The following USH2A variants were observed in gnomAD, a reference collection of about 807,000 sequenced individuals.
USH2A encodes Usher syndrome 2A (autosomal recessive, mild).
A neutral mutation model predicts 538.9 loss-of-function variants in USH2A; 443 were observed. The observed-to-expected ratio is 0.82, with a 90% CI of 0.76 to 0.89. The LOEUF is 0.89. Ranked by LOEUF, USH2A falls within the 40% of genes least tolerant of loss-of-function variation. The probability of loss-of-function intolerance (pLI) is 0.00; values close to 1 mark genes in which losing one functional copy is unlikely to be tolerated. For synonymous variants in USH2A, 2,413 were observed against 2,273.5 expected (o/e 1.06, Z -1.75); for missense variants, 6,633 against 6,324.8 (o/e 1.05, Z -1.65).
At chr1:216,152,317 C>T (rs915349841) in intron 21 of USH2A, among the ~76,000 whole-genome samples, 1 of 152,172 alleles carries the variant, frequency 6.6e-6, no homozygotes, top group African/African-American at 2.4e-5. Context: ...ATATGTCCTG[C>T]CCCACCTTAA....
intron 69 of USH2A, among the ~76,000 whole-genome samples, chr1:215,637,844 A>C (rs1656546754): frequency 6.6e-6 from 1 of 152,136 alleles, no homozygotes; most frequent in Admixed American, 6.5e-5. Context: ...AAAAAACTCT[A>C]TACATGCAAA....
chr1:216,018,179 C>T (rs1429004266), intron 32 of USH2A, among the ~76,000 whole-genome samples: 1 of 152,150 alleles, frequency 6.6e-6, no homozygotes, highest in East Asian at 1.9e-4. Context: ...TAGAATTTCC[C>T]AGTCAAAGAG....
chr1:215,814,930 C>T (rs1156318122), intron 48 of USH2A, among the ~76,000 whole-genome samples: 1 of 152,058 alleles, frequency 6.6e-6, no homozygotes, highest in Non-Finnish European at 1.5e-5. Flanking sequence ...CTTACGTTCA[C>T]TGGGATTTGT....
chr1:215,832,893 T>C (rs7535249), intron 47 of USH2A, among the ~76,000 whole-genome samples: 2 of 152,064 alleles, frequency 1.3e-5, no homozygotes, highest in Admixed American at 1.3e-4. Flanking sequence ...AGCTCACTAT[T>C]CCAAAATTAA....
chr1:216,264,066 A>C (rs1385031509), intron 11 of USH2A, among the ~76,000 whole-genome samples: 3 of 152,144 alleles, frequency 2.0e-5, no homozygotes, highest in Non-Finnish European at 2.9e-5. Flanking sequence ...AAAGTTCTGT[A>C]CAAGGAAAAC....
Position 215,993,051 on chromosome 1 carries a change from A to T in USH2A, c.6774T>A (p.Asn2258Lys). The change falls in exon 35 of 72, where the codon AAT becomes AAA. Residue 2258 changes from asparagine to lysine, a missense_variant. Coordinates refer to ENST00000307340, the MANE Select transcript of USH2A (RefSeq NM_206933.4). ...KAHSYSPDSF[N>K]VSWTEPEYPN... is the part of the protein sequence containing the mutation. Reference sequence around the variant, plus strand: ...GATATTCAGGCTCAGTCCAGGAGACATTAAAGGAGTCAGGTGAATATGAGT... The same window carrying T: ...GATATTCAGGCTCAGTCCAGGAGACTTTAAAGGAGTCAGGTGAATATGAGT... 6.2e-7 allele frequency: 1 copy of T among 1,614,154 alleles called. No individual in the cohort carries two copies. Among genetic ancestry groups the T allele is most frequent in the Non-Finnish European group, 8.5e-7 (1 of 1,179,972 alleles).
At chr1:216,096,078 C>T (rs1417541081) in intron 22 of USH2A, among the ~76,000 whole-genome samples, 2 of 152,156 alleles carry the variant, frequency 1.3e-5, no homozygotes, top group African/African-American at 4.8e-5. Context: ...ATCAAATGCT[C>T]ACTGATATTT....
chr1:216,269,329 T>A (rs938663285), intron 11 of USH2A, among the ~76,000 whole-genome samples: 1 of 152,078 alleles, frequency 6.6e-6, no homozygotes, highest in African/African-American at 2.4e-5. Flanking sequence ...CTCTCTTTGC[T>A]TGCTGCCACC....
Position 215,790,209 on chromosome 1 carries a change from A to T in USH2A, c.10032T>A (p.Ser3344=), listed in dbSNP as rs748330735. Reference sequence around the variant, plus strand: ...GGTCATTCTTTTTAATATGTGCTTTAGACTCTCCACTGGAAGCTGAGCAGC... The same window carrying T: ...GGTCATTCTTTTTAATATGTGCTTTTGACTCTCCACTGGAAGCTGAGCAGC... The part of the protein sequence containing the change: ...TICCSASSGE[S]KAHIKKNDPV... The change falls in exon 51 of 72, where the codon TCT becomes TCA. Residue 3344 remains serine, a synonymous_variant. Transcript: ENST00000307340. The T allele has an allele frequency of 6.2e-7, 1 of 1,614,102 alleles. No individual in the cohort carries two copies. Among genetic ancestry groups the T allele is most frequent in the South Asian group, 1.1e-5 (1 of 91,068 alleles).
intron 56 of USH2A, among the ~76,000 whole-genome samples, chr1:215,765,981 T>C (rs1319726227): frequency 1.3e-5 from 2 of 152,190 alleles, no homozygotes; most frequent in African/African-American, 4.8e-5. Context: ...GCACAGTTTC[T>C]GGCATAAATG....
chr1:216,280,339 T>A (rs556791488), intron 11 of USH2A, among the ~76,000 whole-genome samples: 13 of 152,118 alleles, frequency 8.5e-5, no homozygotes, highest in African/African-American at 3.1e-4. Context: ...TTTTGGTTCA[T>A]GTATCCCTTT....
intron 58 of USH2A, among the ~76,000 whole-genome samples, chr1:215,757,505 C>T (rs1387383354): frequency 6.6e-6 from 1 of 152,146 alleles, no homozygotes; most frequent in Non-Finnish European, 1.5e-5. Context: ...TGAACTGTGG[C>T]TAAACTTATT....
At chr1:216,137,355 G>A (rs2033506823) in intron 21 of USH2A, among the ~76,000 whole-genome samples, 4 of 152,132 alleles carry the variant, frequency 2.6e-5, no homozygotes, top group Admixed American at 2.0e-4. Context: ...ATCATGGTGG[G>A]AGGTGAAAGG....
At chr1:216,297,438 A>T (rs1009764378) in intron 9 of USH2A, among the ~76,000 whole-genome samples, 9 of 152,128 alleles carry the variant, frequency 5.9e-5, no homozygotes, top group African/African-American at 2.2e-4. Context: ...TCTTACTTTT[A>T]TCTGACTCAA....
At chr1:216,053,292 G>A (rs1037429768) in intron 30 of USH2A, among the ~76,000 whole-genome samples, 4 of 152,026 alleles carry the variant, frequency 2.6e-5, no homozygotes, top group African/African-American at 9.7e-5. Context: ...ATATCTAAAG[G>A]AATCCTAGAC....
chr1:215,795,097 A>G (rs1484079750), intron 50 of USH2A, among the ~76,000 whole-genome samples: 1 of 152,126 alleles, frequency 6.6e-6, no homozygotes, highest in East Asian at 1.9e-4. Context: ...AGTTCTTATC[A>G]TCATATTGAC....
intron 13 of USH2A, among the ~76,000 whole-genome samples, chr1:216,242,755 C>T (rs1379678055): frequency 6.6e-6 from 1 of 152,032 alleles, no homozygotes; most frequent in South Asian, 2.1e-4. Context: ...AATAAATAGT[C>T]TATTTGGTAA....
chr1:216,234,288 T>C (rs1431180778), intron 13 of USH2A, among the ~76,000 whole-genome samples: 2 of 152,108 alleles, frequency 1.3e-5, no homozygotes, highest in South Asian at 2.1e-4. Context: ...ATAGAAAACA[T>C]TGTGCTCAAT....
chr1:215,742,864 A>G (rs1300652535), intron 59 of USH2A, among the ~76,000 whole-genome samples: 1 of 152,086 alleles, frequency 6.6e-6, no homozygotes, highest in Non-Finnish European at 1.5e-5. Context: ...TATTTGGAAT[A>G]CTCATTTTTG....
Sources: gnomAD v4.1 joint callset for allele counts (sites outside exome capture counted in the v4.1 genomes callset) on GRCh38, gnomAD v4.1.1 for gene constraint, MANE v1.5 for transcripts, NCBI Gene and HGNC (gene_info 2026-07-23, HGNC 2026-07-21) for gene names.